CEP128: variants seen among roughly 807,000 people sequenced by gnomAD.
CEP128 encodes the protein centrosomal protein 128kDa.
CEP128 carries 132 observed loss-of-function variants against 156.7 expected under a neutral mutation model. That is an observed-to-expected ratio of 0.84 (90% confidence interval 0.73 to 0.97). The LOEUF (loss-of-function observed/expected upper bound fraction) is 0.97. CEP128 is among the 50% of genes least tolerant of loss of function. The pLI is 0.00. For missense variants in CEP128, 1,252 were observed against 1,281.9 expected (o/e 0.98, Z 0.36); for synonymous variants, 469 against 448.9 (o/e 1.04, Z -0.57).
intron 14 of CEP128, among the ~76,000 whole-genome samples, chr14:80,483,056 A>G (rs991146558): frequency 1.5e-4 from 23 of 152,200 alleles, no homozygotes; most frequent in African/African-American, 5.3e-4. Context: ...ATAGGGGGTG[A>G]AGCACAACTT....
At chr14:80,955,521 C>T (rs1457803653) in intron 2 of CEP128, 1 of 853,408 alleles carries the variant, frequency 1.2e-6, no homozygotes, top group Admixed American at 2.0e-5. Flanking sequence ...TTCCCCTTCT[C>T]CAGCCTCCTC....
chr14:80,619,727 A>G (rs1419798516), intron 19 of CEP128, among the ~76,000 whole-genome samples: 1 of 151,640 alleles, frequency 6.6e-6, no homozygotes, highest in Non-Finnish European at 1.5e-5. Context: ...AAAAAAAGAA[A>G]GAAAGAAAAT....
At chr14:80,899,279 C>G (rs973736650) in intron 7 of CEP128, among the ~76,000 whole-genome samples, 1 of 152,152 alleles carries the variant, frequency 6.6e-6, no homozygotes. Context: ...TTCAATTCAG[C>G]TTTATTGTTC....
upstream of CEP128, among the ~76,000 whole-genome samples, chr14:80,944,759 T>G (rs893350657): frequency 6.2e-5 from 8 of 129,806 alleles, no homozygotes; most frequent in Non-Finnish European, 1.2e-4. Flanking sequence ...AAGGCAGAGC[T>G]TGCAGTGAGC....
chr14:80,835,252 G>A (rs571704789), intron 12 of CEP128, among the ~76,000 whole-genome samples: 1 of 152,226 alleles, frequency 6.6e-6, no homozygotes, highest in East Asian at 1.9e-4. Flanking sequence ...ACAGAACTGC[G>A]ATCTAAATAA....
intron 12 of CEP128, among the ~76,000 whole-genome samples, chr14:80,832,182 CG>C (rs1885839636): frequency 6.6e-6 from 1 of 152,146 alleles, no homozygotes; most frequent in Non-Finnish European, 1.5e-5. Flanking sequence ...TCTCCAGCCA[CG>C]TGGAACTGTG....
At chr14:80,518,904 A>C (rs150212078) in intron 23 of CEP128, among the ~76,000 whole-genome samples, 1 of 152,218 alleles carries the variant, frequency 6.6e-6, no homozygotes, top group East Asian at 1.9e-4. Flanking sequence ...TGAACAATCA[A>C]CATAACAGAG....
intron 19 of CEP128, among the ~76,000 whole-genome samples, chr14:80,626,470 CAAAAAAAAAAAA>C (rs60238276): frequency 3.7e-5 from 3 of 80,688 alleles, no homozygotes; most frequent in South Asian, 9.2e-4. Flanking sequence ...GACTCCGTCT[CAAAAAAAAAAAA>C]AAAAAAAAAA....
intron 9 of CEP128, among the ~76,000 whole-genome samples, chr14:80,856,234 T>C (rs1887148781): frequency 6.6e-6 from 1 of 152,174 alleles, no homozygotes; most frequent in Admixed American, 6.5e-5. Context: ...TGCCCTTGCC[T>C]ATCCCACAGA....
At chr14:80,793,858 ATATC>A (rs1901847401) in intron 13 of CEP128, among the ~76,000 whole-genome samples, 2 of 152,364 alleles carry the variant, frequency 1.3e-5, no homozygotes, top group Admixed American at 6.5e-5. Context: ...GAATAAGTAA[ATATC>A]TATTTTAAGT....
chr14:80,624,977 C>G (rs577971977), intron 19 of CEP128, among the ~76,000 whole-genome samples: 1 of 152,258 alleles, frequency 6.6e-6, no homozygotes, highest in South Asian at 2.1e-4. Context: ...AAGTCTTACC[C>G]AAGAAATCTT....
chr14:80,594,726 C>A (rs1892238986), intron 19 of CEP128, among the ~76,000 whole-genome samples: 1 of 152,176 alleles, frequency 6.6e-6, no homozygotes, highest in Non-Finnish European at 1.5e-5. Flanking sequence ...AAAAAAAGCT[C>A]ATCATCACTG....
intron 14 of CEP128, among the ~76,000 whole-genome samples, chr14:80,789,856 C>T (rs1901612183): frequency 6.6e-6 from 1 of 151,208 alleles, no homozygotes; most frequent in Non-Finnish European, 1.5e-5. Context: ...GAGGGGCTTG[C>T]TCAATGTTTT....
At chr14:80,574,387 C>T (rs552513448) in intron 20 of CEP128, among the ~76,000 whole-genome samples, 3 of 152,194 alleles carry the variant, frequency 2.0e-5, no homozygotes, top group Admixed American at 6.5e-5. Flanking sequence ...TGCTACAGTT[C>T]GGCAGAAAAG....
intron 19 of CEP128, among the ~76,000 whole-genome samples, chr14:80,725,806 T>C (rs1191166385): frequency 6.6e-6 from 1 of 152,222 alleles, no homozygotes; most frequent in Non-Finnish European, 1.5e-5. Flanking sequence ...TTAATTTATA[T>C]GGAATAATCA....
intron 2 of CEP128, among the ~76,000 whole-genome samples, chr14:80,923,512 T>G (rs1323420961): frequency 2.0e-5 from 3 of 152,186 alleles, no homozygotes; most frequent in African/African-American, 7.2e-5. Flanking sequence ...CAATTAGGAT[T>G]TGCAAGCTGT....
Position 80,821,596 on chromosome 14 carries a change from C to CACAT in CEP128, c.1209+9543_1209+9546dup, listed in dbSNP as rs1173699820. ...TGAAGTTATATGTCACACACATACA[C>CACAT]ACATACACACACACACACACACACA... On this transcript the variant is annotated intron_variant, in intron 13 of 24. Coordinates refer to ENST00000555265, the MANE Select transcript of CEP128 (RefSeq NM_152446.5). Among the ~76,000 whole-genome samples the CACAT allele has an allele frequency of 7.9e-4, 45 of 57,252 alleles. 1 individual carries two copies. Among genetic ancestry groups the CACAT allele is most frequent in the African/African-American group, 2.4e-3 (40 of 16,330 alleles). The allele number at this position is 57,252 out of a possible 152,430, so 37.6% of individuals were successfully genotyped here.
At chr14:80,668,726 T>A (rs1194971687) in intron 19 of CEP128, among the ~76,000 whole-genome samples, 3 of 152,150 alleles carry the variant, frequency 2.0e-5, no homozygotes, top group Non-Finnish European at 1.5e-5. Flanking sequence ...ATGGGTGATA[T>A]GGTTTGGCTG....
At chr14:80,686,523 C>G (rs1419431861) in intron 19 of CEP128, among the ~76,000 whole-genome samples, 2 of 152,002 alleles carry the variant, frequency 1.3e-5, no homozygotes, top group Non-Finnish European at 2.9e-5. Context: ...ACCAACAAGT[C>G]TGTAAAATAA....
Sources: allele counts gnomAD v4.1 joint callset (sites outside exome capture counted in the v4.1 genomes callset), GRCh38; gene constraint gnomAD v4.1.1; transcripts MANE v1.5; gene names NCBI Gene and HGNC (gene_info 2026-07-23, HGNC 2026-07-21).